PDE1C: variants seen among roughly 807,000 people sequenced by gnomAD.
PDE1C encodes the protein phosphodiesterase 1C.
In PDE1C, 62 loss-of-function variants were observed where a neutral mutation model predicts 93.1. That is an observed-to-expected ratio of 0.67 (90% CI 0.54 to 0.82). PDE1C has a LOEUF of 0.82. Among genes scored for constraint, PDE1C ranks in the 40% least tolerant of loss-of-function variants. PDE1C has a pLI of 0.00. For synonymous variants in PDE1C, 325 were observed against 310.1 expected, an observed-to-expected ratio of 1.05 and a Z score of -0.50; for missense variants, 742 against 884.6, an observed-to-expected ratio of 0.84 and a Z score of 2.04.
At chr7:31,902,823 C>T (rs1800149878) in intron 2 of PDE1C, among the ~76,000 whole-genome samples, 1 of 150,916 alleles carries the variant, frequency 6.6e-6, no homozygotes, top group Non-Finnish European at 1.5e-5. Flanking sequence ...TTTATAATAT[C>T]GATTAACATT....
the PDE1C span, among the ~76,000 whole-genome samples, chr7:31,682,281 G>A: frequency 6.6e-6 from 1 of 152,126 alleles, no homozygotes; most frequent in African/African-American, 2.4e-5. Flanking sequence ...GAGAACTTCT[G>A]GTCTGGACAA....
intron 3 of PDE1C, among the ~76,000 whole-genome samples, chr7:32,154,815 A>C (rs754959355): frequency 6.6e-6 from 1 of 152,222 alleles, no homozygotes; most frequent in African/African-American, 2.4e-5. Context: ...TGCTCACAGG[A>C]GAGGTCTTCG....
At chr7:32,115,950 G>A (rs1224399551) in intron 3 of PDE1C, among the ~76,000 whole-genome samples, 3 of 152,172 alleles carry the variant, frequency 2.0e-5, no homozygotes, top group Non-Finnish European at 4.4e-5. Context: ...ATGACTAAGA[G>A]ACCAAGATGG....
At chr7:32,324,183 A>G (rs1233087431) in intron 1 of PDE1C, among the ~76,000 whole-genome samples, 1 of 152,366 alleles carries the variant, frequency 6.6e-6, no homozygotes, top group East Asian at 1.9e-4. Flanking sequence ...TTATTAACTT[A>G]TTGTCTATAG....
At chr7:32,298,866 C>T (rs1178902284) in exon 1 of PDE1C, 7 of 1,378,710 alleles carry the variant, frequency 5.1e-6, no homozygotes, top group Non-Finnish European at 6.5e-6. Flanking sequence ...ACTCTCAGCC[C>T]CGCCGCGCGC....
At chr7:32,041,465 C>T (rs1296982536) in intron 2 of PDE1C, among the ~76,000 whole-genome samples, 1 of 152,118 alleles carries the variant, frequency 6.6e-6, no homozygotes, top group Non-Finnish European at 1.5e-5. Context: ...TGAGAATAAA[C>T]AAAGCAGAGC....
At chr7:32,270,666 G>A (rs1810897985) in intron 1 of PDE1C, among the ~76,000 whole-genome samples, 1 of 152,188 alleles carries the variant, frequency 6.6e-6, no homozygotes, top group African/African-American at 2.4e-5. Flanking sequence ...TACGGACAGG[G>A]GCTGGATGCT....
intron 3 of PDE1C, among the ~76,000 whole-genome samples, chr7:32,094,146 T>C (rs1001093842): frequency 8.5e-5 from 13 of 152,190 alleles, no homozygotes; most frequent in Admixed American, 6.5e-4. Context: ...GAAGAAACTC[T>C]TATTTGTAGC....
intron 2 of PDE1C, among the ~76,000 whole-genome samples, chr7:31,891,744 T>TGTG (rs1798660434): frequency 6.6e-6 from 1 of 152,132 alleles, no homozygotes; most frequent in African/African-American, 2.4e-5. Context: ...ATACCTTGAC[T>TGTG]GTGGTGGTGG....
At chr7:31,774,252 G>T (rs1795686897) in intron 17 of PDE1C, among the ~76,000 whole-genome samples, 1 of 151,948 alleles carries the variant, frequency 6.6e-6, no homozygotes, top group African/African-American at 2.4e-5. Context: ...GATGAAATAT[G>T]GTAATTCCCC....
chr7:32,320,844 T>C (rs1783275250), intron 1 of PDE1C, among the ~76,000 whole-genome samples: 3 of 152,184 alleles, frequency 2.0e-5, no homozygotes, highest in South Asian at 4.1e-4. Flanking sequence ...TGTCCTATAT[T>C]GTCACCAGAG....
chr7:31,638,513 A>AT, the PDE1C span, among the ~76,000 whole-genome samples: 7 of 152,098 alleles, frequency 4.6e-5, no homozygotes, highest in South Asian at 2.1e-4. Context: ...GACATTGTTA[A>AT]TTTTTTTTGT....
At chr7:32,344,047 A>T (rs985110759) in intron 1 of PDE1C, among the ~76,000 whole-genome samples, 1 of 152,188 alleles carries the variant, frequency 6.6e-6, no homozygotes, top group Non-Finnish European at 1.5e-5. Context: ...AATTTGTTCA[A>T]GTTCACTCTA....
At chr7:32,055,212 C>T (rs1793908095) in intron 1 of PDE1C, among the ~76,000 whole-genome samples, 1 of 152,108 alleles carries the variant, frequency 6.6e-6, no homozygotes, top group Non-Finnish European at 1.5e-5. Flanking sequence ...TTTCCTTCTA[C>T]TAAGCAATGA....
intron 2 of PDE1C, among the ~76,000 whole-genome samples, chr7:31,926,356 C>T (rs12216600): frequency 0.51 from 78,222 of 152,082 alleles, 20,267 homozygotes; most frequent in African/African-American, 0.54. Flanking sequence ...AGTTCCTCAC[C>T]CAGATCCTAG....
intron 1 of PDE1C, among the ~76,000 whole-genome samples, chr7:32,252,296 C>G (rs571904640): frequency 2.1e-4 from 32 of 152,320 alleles, no homozygotes; most frequent in Admixed American, 2.1e-3. Context: ...GACTATAAGG[C>G]ACAAACCACA....
intron 14 of PDE1C, chr7:31,821,067 C>CA (rs1403922374): frequency 6.6e-6 from 1 of 151,628 alleles, no homozygotes; most frequent in Non-Finnish European, 1.5e-5. Context: ...CCCTGATAAC[C>CA]AAACTATTCT....
intron 2 of PDE1C, among the ~76,000 whole-genome samples, chr7:32,011,838 A>G (rs777698627): frequency 3.3e-5 from 5 of 152,332 alleles, no homozygotes; most frequent in Middle Eastern, 3.4e-3. Context: ...TCTTCTAGAG[A>G]AGAGAAAGCC....
chr7:31,760,607 T>G (rs995768183), intron 17 of PDE1C, among the ~76,000 whole-genome samples: 1 of 152,194 alleles, frequency 6.6e-6, no homozygotes, highest in Non-Finnish European at 1.5e-5. Context: ...TTTGGTCTAC[T>G]TGGAGCTTTT....
Sources: allele counts gnomAD v4.1 joint callset (sites outside exome capture counted in the v4.1 genomes callset), GRCh38; gene constraint gnomAD v4.1.1; transcripts MANE v1.5; gene names NCBI Gene and HGNC (gene_info 2026-07-23, HGNC 2026-07-21).